Variants in NEK1 observed in about 807,000 individuals in gnomAD.
NEK1 encodes serine/threonine-protein kinase Nek1.
NEK1 carries 137 observed loss-of-function variants against 182.1 expected under a neutral mutation model. The observed-to-expected ratio is 0.75, with a 90% CI of 0.65 to 0.87. NEK1 has a LOEUF of 0.87. Among genes scored for constraint, NEK1 ranks in the 40% least tolerant of loss-of-function variants. The pLI, the probability that NEK1 is intolerant of heterozygous loss-of-function variation, is 0.00. For missense variants in NEK1, 1,391 were observed against 1,494.4 expected, an observed-to-expected ratio of 0.93 and a Z score of 1.14; for synonymous variants, 513 against 492.2, an observed-to-expected ratio of 1.04 and a Z score of -0.56.
chr4:169,472,784 A>T (rs537551513), intron 26 of NEK1, among the ~76,000 whole-genome samples: 21 of 152,332 alleles, frequency 1.4e-4, no homozygotes, highest in African/African-American at 5.1e-4. Context: ...ACTACTTTTC[A>T]TGTATAAATT....
At chr4:169,498,111 T>G (rs1751705194) in intron 23 of NEK1, among the ~76,000 whole-genome samples, 1 of 152,204 alleles carries the variant, frequency 6.6e-6, no homozygotes, top group African/African-American at 2.4e-5. Context: ...GCATATATAT[T>G]TAGGATAGTT....
chr4:169,592,825 A>AG (rs1768768658), intron 5 of NEK1, among the ~76,000 whole-genome samples: 1 of 152,182 alleles, frequency 6.6e-6, no homozygotes, highest in Admixed American at 6.5e-5. Flanking sequence ...CAGTTCTCTA[A>AG]GGAGTCCGTA....
chr4:169,398,193 C>T (rs1358991905), intron 35 of NEK1, among the ~76,000 whole-genome samples: 2 of 151,920 alleles, frequency 1.3e-5, no homozygotes, highest in East Asian at 3.9e-4. Context: ...AAAATGTTTA[C>T]CTTTTATATT....
intron 18 of NEK1, among the ~76,000 whole-genome samples, chr4:169,540,045 G>A (rs55812407): frequency 0.089 from 13,562 of 152,056 alleles, 798 homozygotes; most frequent in African/African-American, 0.16. Flanking sequence ...CTTGCTCTAT[G>A]TATTTATATG....
chr4:169,556,257 T>A (rs527750237), intron 16 of NEK1, among the ~76,000 whole-genome samples, 162 bp from the exon 17 acceptor site: 24 of 152,314 alleles, frequency 1.6e-4, no homozygotes, highest in Admixed American at 1.5e-3. Context: ...AATGTTTTCC[T>A]ATTATAACTA....
chr4:169,548,098 TCTTTGTGGATTTATCCAC>T (rs2149869047), intron 18 of NEK1, among the ~76,000 whole-genome samples: 1 of 152,364 alleles, frequency 6.6e-6, no homozygotes, highest in South Asian at 2.1e-4. Context: ...TTTCTCCCCA[TCTTTGTGGATTTATCCAC>T]CTTTGGTCTC....
chr4:169,559,708 T>C (rs72974741), intron 16 of NEK1, among the ~76,000 whole-genome samples: 27 of 152,250 alleles, frequency 1.8e-4, no homozygotes, highest in African/African-American at 5.8e-4. Flanking sequence ...AAACTTATAG[T>C]TTGAAGATGT....
chr4:169,486,343 A>C (rs1287330225), intron 23 of NEK1, among the ~76,000 whole-genome samples: 1 of 152,210 alleles, frequency 6.6e-6, no homozygotes, highest in East Asian at 1.9e-4. Flanking sequence ...GTGCCACCAA[A>C]TGACGAAACT....
chr4:169,535,224 G>A (rs1048309193), intron 19 of NEK1, among the ~76,000 whole-genome samples: 2 of 152,150 alleles, frequency 1.3e-5, no homozygotes, highest in African/African-American at 4.8e-5. Flanking sequence ...TCGGGAGGCT[G>A]AGGCAGAAGA....
intron 20 of NEK1, 148 bp from the exon 21 acceptor site, chr4:169,508,479 T>A (rs1243528257): frequency 1.7e-6 from 1 of 600,400 alleles, no homozygotes. Flanking sequence ...AAATGTAATA[T>A]TAGCTTTCAA....
rs1191494879 is a variant in NEK1 at position 169,471,879 on chromosome 4, A to G, written c.2434+5245T>C. Among the ~76,000 whole-genome samples the G allele has an allele frequency of 2.0e-5, 3 of 152,132 alleles. No individual in the cohort carries two copies. The East Asian group carries it at 5.8e-4, about 29-fold the overall frequency. ...AGATTCTGGCTACAGCGGCTTTGCC[A>G]TGCTGTGTTGGGTTCTGCACCCAGT... On this transcript the variant is annotated intron_variant, in intron 26 of 35. Coordinates refer to ENST00000507142, the MANE Select transcript of NEK1 (RefSeq NM_001199397.3).
chr4:169,412,225 T>C (rs919839205), intron 31 of NEK1, among the ~76,000 whole-genome samples: 2 of 152,224 alleles, frequency 1.3e-5, no homozygotes, highest in Admixed American at 6.5e-5. Context: ...AAATTCATCC[T>C]GTATCCACTT....
At chr4:169,397,415 C>T (rs1730915556) in intron 35 of NEK1, among the ~76,000 whole-genome samples, 1 of 152,118 alleles carries the variant, frequency 6.6e-6, no homozygotes, top group Non-Finnish European at 1.5e-5. Context: ...CCACATAATT[C>T]AATATCCATT....
intron 12 of NEK1, among the ~76,000 whole-genome samples, chr4:169,565,819 G>A (rs1035781001): frequency 1.1e-4 from 16 of 151,640 alleles, no homozygotes; most frequent in African/African-American, 3.9e-4. Context: ...AGAATGGGGA[G>A]TGGCTGCTAA....
intron 31 of NEK1, among the ~76,000 whole-genome samples, chr4:169,414,361 A>C (rs954445029): frequency 6.6e-6 from 1 of 152,174 alleles, no homozygotes; most frequent in Non-Finnish European, 1.5e-5. Context: ...ACCAAGAAGT[A>C]AACCTCATAT....
intron 28 of NEK1, among the ~76,000 whole-genome samples, chr4:169,434,998 C>A (rs1396551967): frequency 6.6e-6 from 1 of 152,190 alleles, no homozygotes; most frequent in Non-Finnish European, 1.5e-5. Context: ...CTAGGCTATA[C>A]AGCTTCCATA....
At chr4:169,511,337 C>T (rs1258655635) in intron 19 of NEK1, among the ~76,000 whole-genome samples, 4 of 151,914 alleles carry the variant, frequency 2.6e-5, no homozygotes, top group Non-Finnish European at 4.4e-5. Flanking sequence ...AAATAAGCAG[C>T]GCTGGGCAAA....
intron 27 of NEK1, among the ~76,000 whole-genome samples, chr4:169,446,028 T>C (rs1464855866): frequency 2.0e-5 from 3 of 151,794 alleles, no homozygotes; most frequent in South Asian, 4.2e-4. Flanking sequence ...GCTAAAAAAA[T>C]TGATCTCATG....
At chr4:169,482,481 CT>C (rs913643124) in intron 23 of NEK1, among the ~76,000 whole-genome samples, 612 of 141,270 alleles carry the variant, frequency 4.3e-3, no homozygotes, top group Non-Finnish European at 3.7e-3. Flanking sequence ...TTCTTTCTTT[CT>C]TTTTTTTTTT....
Sources: gnomAD v4.1 joint callset for allele counts (sites outside exome capture counted in the v4.1 genomes callset) on GRCh38, gnomAD v4.1.1 for gene constraint, MANE v1.5 for transcripts, NCBI Gene and HGNC (gene_info 2026-07-23, HGNC 2026-07-21) for gene names.